Variants in ARMC9 observed in about 807,000 individuals in gnomAD.
ARMC9 encodes lisH domain-containing protein ARMC9.
Under a neutral mutation model 107.0 loss-of-function variants are expected in ARMC9, and 94 were observed. The observed-to-expected ratio is 0.88, with a 90% CI of 0.74 to 1.04. The LOEUF is 1.04. ARMC9 is among the 50% of genes least tolerant of loss of function. The pLI is 0.00. For missense variants in ARMC9, 942 were observed against 1,030.1 expected (o/e 0.91, Z 1.17); for synonymous variants, 380 against 396.9 (o/e 0.96, Z 0.51).
intron 16 of ARMC9, among the ~76,000 whole-genome samples, chr2:231,281,030 C>T (rs764622945): frequency 1.6e-4 from 25 of 152,162 alleles, no homozygotes; most frequent in Non-Finnish European, 2.6e-4. Flanking sequence ...GCAGGCACAG[C>T]GTACAGCCTG....
chr2:231,274,241 C>T (rs551030814), intron 14 of ARMC9, among the ~76,000 whole-genome samples: 1 of 152,166 alleles, frequency 6.6e-6, no homozygotes, highest in Non-Finnish European at 1.5e-5. Flanking sequence ...CCTCAAACTC[C>T]TGGGTAGCTG....
chr2:231,309,497 ATATT>A (rs1335518083), intron 19 of ARMC9, among the ~76,000 whole-genome samples: 31 of 152,292 alleles, frequency 2.0e-4, no homozygotes, highest in African/African-American at 4.8e-4. Flanking sequence ...TCATTTTACA[ATATT>A]TATTTAATAA....
chr2:231,216,019 G>GCC (rs2033463480), intron 4 of ARMC9, among the ~76,000 whole-genome samples: 1 of 152,202 alleles, frequency 6.6e-6, no homozygotes, highest in Admixed American at 6.5e-5. Flanking sequence ...TGGGAGCAAA[G>GCC]CCCCACATTC....
chr2:231,264,013 G>A (rs1314524781), intron 12 of ARMC9, among the ~76,000 whole-genome samples: 1 of 152,098 alleles, frequency 6.6e-6, no homozygotes, highest in African/African-American at 2.4e-5. Flanking sequence ...AGTTTAATTG[G>A]CAGGGGTTTT....
At position 231,340,924 on chromosome 2, in the gene ARMC9, G is replaced by T. The variant is rs1057380971; in HGVS notation, c.1879-4051G>T. Among the ~76,000 whole-genome samples, 4 of 151,302 alleles carry T rather than the reference G, an allele frequency of 2.6e-5. No individual in the cohort carries two copies. The East Asian group carries it at 7.8e-4, about 30-fold the overall frequency. ...CAAACAAACAAAAAACAAGTGTAGG[G>T]CTGGGCATGGTGGCTCGTGTGTAAT... On this transcript the variant is annotated intron_variant, in intron 20 of 24. Coordinates refer to ENST00000611582, the MANE Select transcript of ARMC9 (RefSeq NM_001352754.2).
intron 21 of ARMC9, among the ~76,000 whole-genome samples, chr2:231,346,546 A>G (rs963649350): frequency 1.3e-5 from 2 of 152,054 alleles, no homozygotes; most frequent in East Asian, 1.9e-4. Context: ...AGAATATTAC[A>G]CTCAAGAGCT....
intron 19 of ARMC9, among the ~76,000 whole-genome samples, chr2:231,329,868 TAGAC>T (rs2043603030): frequency 1.3e-5 from 2 of 152,226 alleles, no homozygotes; most frequent in African/African-American, 2.4e-5. Context: ...TATTTCTACA[TAGAC>T]AGTCATATTA....
At position 231,255,017 on chromosome 2, in the gene ARMC9, C is replaced by A. The variant is rs2037639102; in HGVS notation, c.880-1569C>A. 6.6e-6 allele frequency among the ~76,000 whole-genome samples: 1 copy of A among 152,174 alleles called. No homozygotes were observed. Among genetic ancestry groups the A allele is most frequent in the Non-Finnish European group, 1.5e-5 (1 of 68,042 alleles). On this transcript the variant is annotated intron_variant, in intron 9 of 24. Transcript: ENST00000611582. This position sits in a 1 kb window ranked among gnomAD's most constrained non-coding sequence, Gnocchi z 4.7. ...AACACTAATTCCTTAGTATCTAATA[C>A]CAGTCCACTCCATATTCAAGATTTT... is the stretch of plus-strand genomic sequence containing the variant.
chr2:231,244,249 C>T (rs1229121905), intron 9 of ARMC9, among the ~76,000 whole-genome samples: 1 of 152,134 alleles, frequency 6.6e-6, no homozygotes, highest in East Asian at 1.9e-4. Flanking sequence ...TAAATCGAGC[C>T]CTTCTTTCCC....
At chr2:231,325,385 T>C (rs912355249) in intron 19 of ARMC9, among the ~76,000 whole-genome samples, 1 of 152,250 alleles carries the variant, frequency 6.6e-6, no homozygotes, top group African/African-American at 2.4e-5. Flanking sequence ...TTTGCTGGCA[T>C]TGACTGAAGT....
intron 19 of ARMC9, among the ~76,000 whole-genome samples, chr2:231,296,615 G>A (rs1255912377): frequency 3.3e-5 from 5 of 152,230 alleles, no homozygotes; most frequent in Non-Finnish European, 5.9e-5. Context: ...AGTGCTGGGC[G>A]TGTAGGCGCC....
rs1575106880 is a variant in ARMC9, at chr2:231,330,675, G to A, written c.1774-1118G>A. 3.3e-5 allele frequency among the ~76,000 whole-genome samples: 5 copies of A among 152,212 alleles called. No homozygotes were observed. In the East Asian group the frequency reaches 9.6e-4, roughly 29 times the overall value. Reference sequence around the variant, plus strand: ...TGCGGCCCAGCCTGGTGAGGGTACAGCTGGGGCTCCTGAGGCCCTTGCTGG... The same window carrying A: ...TGCGGCCCAGCCTGGTGAGGGTACAACTGGGGCTCCTGAGGCCCTTGCTGG... On this transcript the variant is annotated intron_variant, in intron 19 of 24. Coordinates refer to ENST00000611582, the MANE Select transcript of ARMC9 (RefSeq NM_001352754.2).
At position 231,371,311 on chromosome 2, in the gene ARMC9, C is replaced by T. The variant is rs560459953; in HGVS notation, c.2435-202C>T. ...CGTGAGCTGTTGCCAGCAAAGCTGA[C>T]TGAGTGACCCGCACCAAGCAGCCTG... On this transcript the variant is annotated intron_variant, in intron 24 of 24. Coordinates refer to ENST00000611582, the MANE Select transcript of ARMC9 (RefSeq NM_001352754.2). 7.9e-5 allele frequency among the ~76,000 whole-genome samples: 12 copies of T among 152,320 alleles called. No homozygotes were observed. The East Asian group carries it at 2.3e-3, about 29-fold the overall frequency.
chr2:231,312,291 C>CT (rs1374616143), intron 19 of ARMC9, among the ~76,000 whole-genome samples: 1 of 152,206 alleles, frequency 6.6e-6, no homozygotes, highest in African/African-American at 2.4e-5. Context: ...CTGGGCATCT[C>CT]TGAGTTCCAA....
chr2:231,317,609 C>T (rs1222592819), intron 19 of ARMC9, among the ~76,000 whole-genome samples: 1 of 152,018 alleles, frequency 6.6e-6, no homozygotes, highest in African/African-American at 2.4e-5. Context: ...TCCTCTCCTC[C>T]TGAAAATCCA....
chr2:231,296,493 G>A (rs552558221), intron 19 of ARMC9, among the ~76,000 whole-genome samples: 85 of 152,354 alleles, frequency 5.6e-4, no homozygotes, highest in Non-Finnish European at 1.0e-3. Flanking sequence ...CAGCAGAGAC[G>A]CAGCATTGCA....
At chr2:231,293,066 G>C (rs1408739349) in intron 18 of ARMC9, among the ~76,000 whole-genome samples, 1 of 152,200 alleles carries the variant, frequency 6.6e-6, no homozygotes, top group African/African-American at 2.4e-5. Context: ...CAGCTGAGGA[G>C]AGCAGCCAGG....
intron 1 of ARMC9, among the ~76,000 whole-genome samples, chr2:231,205,201 T>TAAAAA (rs769562866): frequency 6.2e-5 from 8 of 129,468 alleles, no homozygotes; most frequent in Admixed American, 3.1e-4. Flanking sequence ...TGTCTCTACT[T>TAAAAA]AAAAAAAAAA....
chr2:231,312,545 A>G (rs1056539123), intron 19 of ARMC9, among the ~76,000 whole-genome samples: 3 of 152,070 alleles, frequency 2.0e-5, no homozygotes, highest in African/African-American at 7.2e-5. Context: ...TCTCCGAACA[A>G]ACCGTTTGAA....
Sources: gnomAD v4.1 joint callset for allele counts (sites outside exome capture counted in the v4.1 genomes callset) on GRCh38, gnomAD v4.1.1 for gene constraint, Gnocchi (gnomAD v3.1) non-coding constraint, MANE v1.5 for transcripts, NCBI Gene and HGNC (gene_info 2026-07-23, HGNC 2026-07-21) for gene names.